Variants in CHURC1 observed in about 807,000 individuals in gnomAD.
CHURC1 encodes the protein protein Churchill.
CHURC1 carries 12 observed loss-of-function variants against 15.4 expected under a neutral mutation model. The observed-to-expected ratio is 0.78, with a 90% CI of 0.50 to 1.27. The LOEUF (loss-of-function observed/expected upper bound fraction) is 1.27, where lower values mean the gene tolerates loss of function less well. Among genes scored for constraint, CHURC1 ranks in the 50% most tolerant of loss-of-function variants. CHURC1 has a pLI of 0.00. For synonymous variants in CHURC1, 42 were observed against 47.5 expected, an observed-to-expected ratio of 0.88 and a Z score of 0.48; for missense variants, 132 against 137.8, an observed-to-expected ratio of 0.96 and a Z score of 0.21.
At chr14:64,915,833 C>T (rs1883847225) in intron 1 of CHURC1, among the ~76,000 whole-genome samples, 1 of 152,144 alleles carries the variant, frequency 6.6e-6, no homozygotes, top group Non-Finnish European at 1.5e-5. Flanking sequence ...GGAAAAGTAA[C>T]TGATACATTC....
At chr14:64,920,752 G>T (rs968128186) in intron 1 of CHURC1, among the ~76,000 whole-genome samples, 4 of 152,166 alleles carry the variant, frequency 2.6e-5, no homozygotes, top group African/African-American at 9.7e-5. Flanking sequence ...TTTGAAATTG[G>T]CATTTAGATC....
Position 64,924,122 on chromosome 14 carries a change from T to A in CHURC1, c.171T>A (p.Tyr57Ter). ...KEEDGEEIVTYDHLCKNCHHV... is the reference protein window; with the variant it reads ...KEEDGEEIVT ...AAGATGGAGAAGAAATAGTTACCTA[T>A]GATCGTAAGTAGACTTTATTTTTTA... Residue 57 changes from tyrosine to a stop codon, truncating the protein, a stop_gained, in exon 2 of 4, where the codon TAT becomes TAA. Coordinates refer to ENST00000549115, the MANE Select transcript of CHURC1 (RefSeq NM_001386928.1). LOFTEE classifies it high-confidence loss of function. 1 of 1,606,454 alleles carries A rather than the reference T, an allele frequency of 6.2e-7. No individual in the cohort carries two copies. The highest frequency in any genetic ancestry group is 1.1e-5 in the South Asian group (1 of 89,508).
intron 3 of CHURC1, among the ~76,000 whole-genome samples, chr14:64,931,182 A>G (rs1360915278): frequency 3.3e-5 from 5 of 152,258 alleles, no homozygotes; most frequent in African/African-American, 1.2e-4. Context: ...AAGGTTTCAA[A>G]GAAATATGTC....
At chr14:64,919,097 C>G (rs1260162051) in intron 1 of CHURC1, among the ~76,000 whole-genome samples, 1 of 152,130 alleles carries the variant, frequency 6.6e-6, no homozygotes, top group Non-Finnish European at 1.5e-5. Flanking sequence ...TGTTTTTTAA[C>G]TCAATGGTGA....
intron 3 of CHURC1, among the ~76,000 whole-genome samples, chr14:64,928,364 C>T (rs1176753223): frequency 6.6e-6 from 1 of 152,196 alleles, no homozygotes; most frequent in East Asian, 1.9e-4. Context: ...CCTTCTGCCT[C>T]AACCCCTCGA....
chr14:64,927,722 C>CG (rs1415073988), intron 3 of CHURC1, among the ~76,000 whole-genome samples: 4 of 104,932 alleles, frequency 3.8e-5, no homozygotes, highest in African/African-American at 1.5e-4. Flanking sequence ...CCCCACCCCC[C>CG]CCCCCGCCGT....
rs1036396244 is a variant in CHURC1 at position 64,935,329 on chromosome 14, T to TATA, written c.*3110_*3112dup. 1 of 842,870 alleles carries TATA rather than the reference T, an allele frequency of 1.2e-6. No individual in the cohort carries two copies. Among genetic ancestry groups the TATA allele is most frequent in the African/African-American group, 1.8e-5 (1 of 54,218 alleles). The allele number at this position is 842,870 out of a possible 1,614,324, so 52.2% of individuals were successfully genotyped here. ...TGCACATGTACCCTAAAACTTAAAG[T>TATA]ATAATAATAATAAAATAAAAAAAAA... On this transcript the variant is annotated 3_prime_UTR_variant, in exon 4 of 4. Transcript: ENST00000549115.
At chr14:64,918,750 C>T (rs765062525) in intron 1 of CHURC1, among the ~76,000 whole-genome samples, 24 of 152,040 alleles carry the variant, frequency 1.6e-4, no homozygotes, top group Middle Eastern at 3.2e-3. Flanking sequence ...GGAGGATTCC[C>T]TCAACCCAGG....
chr14:64,914,729 A>C (rs1455399678), intron 1 of CHURC1, among the ~76,000 whole-genome samples, 195 bp downstream of exon 1: 2 of 152,132 alleles, frequency 1.3e-5, no homozygotes, highest in Non-Finnish European at 2.9e-5. Context: ...CTGGCGGCTG[A>C]CCTCAGTTGT....
Position 64,932,328 on chromosome 14 carries a change from C to T in CHURC1, c.*98C>T, listed in dbSNP as rs562641744. ...TTTCATTCATACTGAAAATTCTTTG[C>T]ATATTTTTTTTCTGCTTAGACTTAC... On this transcript the variant is annotated 3_prime_UTR_variant, in exon 4 of 4. Transcript: ENST00000549115. 151 of 1,528,682 alleles carry T rather than the reference C, an allele frequency of 9.9e-5. 4 individuals carry two copies. The South Asian group carries it at 1.8e-3, about 19-fold the overall frequency. The allele number at this position is 1,528,682 out of a possible 1,614,324, so 94.7% of individuals were successfully genotyped here.
At chr14:64,924,818 T>C (rs1884567490) in intron 2 of CHURC1, among the ~76,000 whole-genome samples, 1 of 152,206 alleles carries the variant, frequency 6.6e-6, no homozygotes, top group African/African-American at 2.4e-5. Context: ...GTGAGAAGTA[T>C]TTAACTGTTC....
rs1885211618 is a variant in CHURC1, at chr14:64,933,983, G to A, written c.*1753G>A. 1 of 985,328 alleles carries A rather than the reference G, an allele frequency of 1.0e-6. No homozygotes were observed. Among genetic ancestry groups the A allele is most frequent in the African/African-American group, 1.7e-5 (1 of 57,344 alleles). 61.0% of individuals were successfully genotyped at this position (985,328 alleles called of 1,614,324 possible). On this transcript the variant is annotated 3_prime_UTR_variant, in exon 4 of 4. Coordinates refer to ENST00000549115, the MANE Select transcript of CHURC1 (RefSeq NM_001386928.1). ...GTTATTTGTAAGTTATCATGAAAAG[G>A]TTTATATTCACTATTCTTTATTTCA...
chr14:64,921,719 A>G (rs1884310628), intron 1 of CHURC1, among the ~76,000 whole-genome samples: 1 of 152,230 alleles, frequency 6.6e-6, no homozygotes, highest in Non-Finnish European at 1.5e-5. Flanking sequence ...TAAATTGGAA[A>G]ACCATTTGGC....
chr14:64,932,181 C>G lies in CHURC1; in HGVS notation c.290C>G (p.Thr97Ser). 6.2e-7 allele frequency: 1 copy of G among 1,614,000 alleles called. No homozygotes were observed. Among genetic ancestry groups the G allele is most frequent in the Non-Finnish European group, 8.5e-7 (1 of 1,179,882 alleles). ...CTGTTATGCGGCAAAGCCGAAGATA[C>G]TATCAGTATTCTCCCTGATGACCCC... ...LCLLCGKAED[T>S]ISILPDDPRQ... Residue 97 changes from threonine to serine, a missense_variant, in exon 4 of 4, where the codon ACT (threonine) becomes AGT (serine). By Grantham distance (58) the Thr-to-Ser change is moderately conservative. Transcript: ENST00000549115.
intron 3 of CHURC1, among the ~76,000 whole-genome samples, chr14:64,931,506 T>C (rs908901515): frequency 6.6e-6 from 1 of 151,746 alleles, no homozygotes; most frequent in Non-Finnish European, 1.5e-5. Context: ...TGCACTCCAA[T>C]CTGGGCAACA....
chr14:64,924,297 C>G, intron 2 of CHURC1, 171 bp downstream of exon 2: 1 of 715,818 alleles, frequency 1.4e-6, no homozygotes, highest in Non-Finnish European at 1.9e-6. Flanking sequence ...TCTGGGATAT[C>G]AAATAGTCTA....
chr14:64,932,382 G>C lies in CHURC1; in HGVS notation c.*152G>C. ...TTCTTTGAGGAAAAAAGGTAATGTA[G>C]GAGCTCATTGTTCTCTAGAGCTGAG... On this transcript the variant is annotated 3_prime_UTR_variant, in exon 4 of 4. Coordinates refer to ENST00000549115, the MANE Select transcript of CHURC1 (RefSeq NM_001386928.1). The C allele has an allele frequency of 7.1e-7, 1 of 1,410,526 alleles. No individual in the cohort carries two copies. Among genetic ancestry groups the C allele is most frequent in the Non-Finnish European group, 9.3e-7 (1 of 1,080,660 alleles). 87.4% of individuals were successfully genotyped at this position (1,410,526 alleles called of 1,614,324 possible). A position where few individuals can be genotyped will look rare whatever the true frequency, so the allele number is the denominator to read the frequency against.
chr14:64,932,340 C>G lies in CHURC1; in HGVS notation c.*110C>G. ...TGAAAATTCTTTGCATATTTTTTTT[C>G]TGCTTAGACTTACTTATTCTTTGAG... On this transcript the variant is annotated 3_prime_UTR_variant, in exon 4 of 4. Transcript: ENST00000549115. 6.7e-7 allele frequency: 1 copy of G among 1,501,430 alleles called. No homozygotes were observed. 93.0% of individuals were successfully genotyped at this position (1,501,430 alleles called of 1,614,324 possible). A position where few individuals can be genotyped will look rare whatever the true frequency, so the allele number is the denominator to read the frequency against.
rs576052949 is a variant in CHURC1 at position 64,932,329 on chromosome 14, A to G, written c.*99A>G. ...TTCATTCATACTGAAAATTCTTTGC[A>G]TATTTTTTTTCTGCTTAGACTTACT... On this transcript the variant is annotated 3_prime_UTR_variant, in exon 4 of 4. Transcript: ENST00000549115. 2.7e-5 allele frequency: 42 copies of G among 1,530,250 alleles called. No individual in the cohort carries two copies. In the African/African-American group the frequency reaches 2.8e-4, roughly 10 times the overall value. The allele number at this position is 1,530,250 out of a possible 1,614,324, so 94.8% of individuals were successfully genotyped here. A position where few individuals can be genotyped will look rare whatever the true frequency, so the allele number is the denominator to read the frequency against.
Sources: allele counts gnomAD v4.1 joint callset (sites outside exome capture counted in the v4.1 genomes callset), GRCh38; gene constraint gnomAD v4.1.1; transcripts MANE v1.5; gene names NCBI Gene and HGNC (gene_info 2026-07-23, HGNC 2026-07-21).